CDC14B: variants seen among roughly 807,000 people sequenced by gnomAD.
The protein encoded by CDC14B is dual specificity protein phosphatase CDC14B.
Under a neutral mutation model 64.2 loss-of-function variants are expected in CDC14B, and 22 were observed. That is an observed-to-expected ratio of 0.34 (90% confidence interval 0.24 to 0.49). The LOEUF (loss-of-function observed/expected upper bound fraction) is 0.49, where lower values mean the gene tolerates loss of function less well. CDC14B is among the 20% of genes least tolerant of loss of function. The pLI, the probability that CDC14B is intolerant of heterozygous loss-of-function variation, is 0.99. For missense variants in CDC14B, 498 were observed against 629.9 expected (o/e 0.79, Z 2.24); for synonymous variants, 191 against 215.8 (o/e 0.89, Z 1.01).
rs1833538289 is a variant in CDC14B at position 96,501,212 on chromosome 9, A to G, written c.*2541T>C. 6.6e-6 allele frequency: 1 copy of G among 152,194 alleles called. No homozygotes were observed. The highest frequency in any genetic ancestry group is 6.5e-5 in the Admixed American group (1 of 15,286). 9.4% of individuals were successfully genotyped at this position (152,194 alleles called of 1,614,324 possible). A position where few individuals can be genotyped will look rare whatever the true frequency, so the allele number is the denominator to read the frequency against. ...ACGCTCTTCCTCCGGACTGTCCCTG[A>G]CTTTTGATAATTTTGAGTCCCCAGA... On this transcript the variant is annotated 3_prime_UTR_variant, in exon 14 of 14. Transcript: ENST00000375241.
rs374778529 is a variant in CDC14B, at chr9:96,565,223, G to GTTT, written c.251+167_251+169dup. Among the ~76,000 whole-genome samples, 1,052 of 141,534 alleles carry GTTT rather than the reference G, an allele frequency of 7.4e-3. 16 individuals are homozygous for GTTT. The highest frequency in any genetic ancestry group is 0.025 in the African/African-American group (983 of 39,408). 92.9% of individuals were successfully genotyped at this position (141,534 alleles called of 152,430 possible). A position where few individuals can be genotyped will look rare whatever the true frequency, so the allele number is the denominator to read the frequency against. ...AATCTAAATGTTTAAATTTAGGGAG[G>GTTT]TTTTTTTTTTTTTGCTCTAAAGGTT... On this transcript the variant is annotated intron_variant, in intron 2 of 13. Transcript: ENST00000375241.
chr9:96,495,573 G>A (rs960331424), downstream of CDC14B, among the ~76,000 whole-genome samples: 7 of 152,232 alleles, frequency 4.6e-5, no homozygotes, highest in African/African-American at 1.7e-4. Flanking sequence ...TCTGAGACAA[G>A]TTCTAAGCAA....
chr9:96,619,328 G>A lies in CDC14B; in HGVS notation c.51C>T (p.Cys17=). Residue 17 remains cysteine (C), a synonymous_variant, in exon 1 of 14, where the codon TGC becomes TGT. Transcript: ENST00000375241. ...GCGAGGTCGACGAGCAGCGCCGCGA[G>A]CAGGGGGGCGCGGCGGCCCAGCTCG... ...RRSSWAAAPP[C]SRRCSSTSPG... is the part of the protein sequence containing the mutation. 1.6e-6 allele frequency: 2 copies of A among 1,284,016 alleles called. No homozygotes were observed. The highest frequency in any genetic ancestry group is 3.1e-5 in the South Asian group (1 of 32,266). 79.5% of individuals were successfully genotyped at this position (1,284,016 alleles called of 1,614,324 possible).
chr9:96,619,245 T>TG lies in CDC14B; in HGVS notation c.133dup (p.Gln45ProfsTer34). 7.4e-7 allele frequency: 1 copy of TG among 1,356,802 alleles called. No homozygotes were observed. 84.0% of individuals were successfully genotyped at this position (1,356,802 alleles called of 1,614,324 possible). On this transcript the variant is annotated frameshift_variant, in exon 1 of 14. Transcript: ENST00000375241. The stretch of plus-strand genomic sequence containing the variant: ...GGTGATGTCCAGGTACACGTCGTCC[T>TG]GGGGGTCCCGGCGGCGCGGGTCTTG...
At chr9:96,523,469 G>T (rs371914022) in intron 10 of CDC14B, 49 bp from the exon 11 acceptor site, 1 of 1,602,886 alleles carries the variant, frequency 6.2e-7, no homozygotes, top group African/African-American at 1.3e-5. Flanking sequence ...AAAGATACAT[G>T]AACAACTTCT....
chr9:96,504,324 T>C (rs1355334351), intron 13 of CDC14B, among the ~76,000 whole-genome samples: 2 of 151,612 alleles, frequency 1.3e-5, no homozygotes, highest in African/African-American at 4.8e-5. Context: ...ACTCCACGAT[T>C]CTCATCCTGC....
chr9:96,542,216 C>A (rs1275434512), intron 5 of CDC14B, among the ~76,000 whole-genome samples: 2 of 150,644 alleles, frequency 1.3e-5, no homozygotes, highest in Non-Finnish European at 2.9e-5. Flanking sequence ...TATCTCTCCC[C>A]CAAAGGGGCA....
downstream of CDC14B, among the ~76,000 whole-genome samples, chr9:96,496,695 GC>G (rs1833257285): frequency 6.6e-6 from 1 of 152,236 alleles, no homozygotes. Flanking sequence ...CACCGCCCAG[GC>G]CACCCTGAAG....
At chr9:96,552,457 T>G (rs1392247309) in intron 4 of CDC14B, among the ~76,000 whole-genome samples, 3 of 152,250 alleles carry the variant, frequency 2.0e-5, no homozygotes, top group African/African-American at 7.2e-5. Flanking sequence ...TCTTCAGCAT[T>G]TGAGGTCTAT....
intron 5 of CDC14B, among the ~76,000 whole-genome samples, chr9:96,544,809 T>TTA (rs1043254847): frequency 6.6e-6 from 1 of 152,180 alleles, no homozygotes; most frequent in African/African-American, 2.4e-5. Context: ...CACAAGGTCT[T>TTA]AGAACACACC....
chr9:96,587,355 G>A (rs1275935073), intron 1 of CDC14B, among the ~76,000 whole-genome samples: 2 of 152,202 alleles, frequency 1.3e-5, no homozygotes, highest in African/African-American at 4.8e-5. Context: ...ACACACGGAG[G>A]AAATAAACCT....
chr9:96,578,677 C>T (rs1844949259), intron 1 of CDC14B, among the ~76,000 whole-genome samples: 1 of 152,200 alleles, frequency 6.6e-6, no homozygotes, highest in Admixed American at 6.5e-5. Context: ...GACTGAGAAA[C>T]TTTCACAGAC....
At chr9:96,554,751 T>A (rs1478948825) in intron 4 of CDC14B, among the ~76,000 whole-genome samples, 1 of 152,214 alleles carries the variant, frequency 6.6e-6, no homozygotes, top group Non-Finnish European at 1.5e-5. Context: ...TACCTTTTTT[T>A]CTTTTTTGGC....
At chr9:96,496,518 G>A (rs912565090), downstream of CDC14B, among the ~76,000 whole-genome samples, 1 of 152,354 alleles carries the variant, frequency 6.6e-6, no homozygotes, top group East Asian at 1.9e-4. Flanking sequence ...CAGAACGGCC[G>A]TCAGCCGTTA....
chr9:96,563,654 GGA>G (rs199926686), intron 3 of CDC14B, among the ~76,000 whole-genome samples: 104 of 114,694 alleles, frequency 9.1e-4, no homozygotes, highest in African/African-American at 6.9e-3. Flanking sequence ...CTGTCTCACG[GGA>G]AAAAAAAAAA....
At chr9:96,529,272 C>T (rs1432035969) in intron 9 of CDC14B, among the ~76,000 whole-genome samples, 2 of 152,138 alleles carry the variant, frequency 1.3e-5, no homozygotes, top group African/African-American at 4.8e-5. Flanking sequence ...ATGTAAGGGC[C>T]CAATTTCATT....
downstream of CDC14B, among the ~76,000 whole-genome samples, chr9:96,499,426 G>A (rs1423387957): frequency 6.6e-6 from 1 of 152,240 alleles, no homozygotes; most frequent in Non-Finnish European, 1.5e-5. Flanking sequence ...TCTGGCGTCC[G>A]GGGTTGGACC....
intron 1 of CDC14B, among the ~76,000 whole-genome samples, chr9:96,605,100 C>A (rs1031230310): frequency 1.3e-5 from 2 of 151,848 alleles, no homozygotes; most frequent in East Asian, 1.9e-4. Context: ...AACATAGTGA[C>A]AATAACACAT....
chr9:96,533,858 T>C (rs1838882719), intron 9 of CDC14B, 69 bp downstream of exon 9: 2 of 923,420 alleles, frequency 2.2e-6, no homozygotes, highest in Non-Finnish European at 1.6e-6. Flanking sequence ...ACTAAATGAA[T>C]ATGGTCTGTT....
Sources: allele counts gnomAD v4.1 joint callset (sites outside exome capture counted in the v4.1 genomes callset), GRCh38; gene constraint gnomAD v4.1.1; transcripts MANE v1.5; gene names NCBI Gene and HGNC (gene_info 2026-07-23, HGNC 2026-07-21).